GOLM1: variants seen among roughly 807,000 people sequenced by gnomAD.
GOLM1 encodes the protein golgi membrane protein 1.
Under a neutral mutation model 50.5 loss-of-function variants are expected in GOLM1, and 31 were observed. That is an observed-to-expected ratio of 0.61 (90% CI 0.46 to 0.83). The LOEUF (loss-of-function observed/expected upper bound fraction) is 0.83. Among genes scored for constraint, GOLM1 ranks in the 40% least tolerant of loss-of-function variants. GOLM1 has a pLI of 0.00. For missense variants in GOLM1, 491 were observed against 501.3 expected, an observed-to-expected ratio of 0.98 and a Z score of 0.20; for synonymous variants, 178 against 192.8, an observed-to-expected ratio of 0.92 and a Z score of 0.64.
rs779101939 is a variant in GOLM1 at position 86,027,794 on chromosome 9, G to GAAAT, written c.*19_*22dup. On this transcript the variant is annotated 3_prime_UTR_variant, in exon 10 of 10. Transcript: ENST00000388712. ...ATAGTCATCTCTTCGGCCCTGTTGT[G>GAAAT]AAATATGTGATTCCAGTTCAATTCA... 11 of 1,609,904 alleles carry GAAAT rather than the reference G, an allele frequency of 6.8e-6. No individual in the cohort carries two copies. The South Asian group carries it at 1.1e-4, about 16-fold the overall frequency.
At chr9:86,082,686 C>T (rs1340404139) in intron 1 of GOLM1, among the ~76,000 whole-genome samples, 7 of 152,138 alleles carry the variant, frequency 4.6e-5, no homozygotes, top group African/African-American at 1.2e-4. Flanking sequence ...GTGATCCTCC[C>T]GCCTCAGCCT....
At chr9:86,080,495 C>A (rs1834751750) in intron 1 of GOLM1, among the ~76,000 whole-genome samples, 1 of 152,096 alleles carries the variant, frequency 6.6e-6, no homozygotes, top group South Asian at 2.1e-4. Context: ...GCAAAAAAGA[C>A]AAGGGACGGG....
intron 3 of GOLM1, among the ~76,000 whole-genome samples, chr9:86,055,576 G>T (rs1264531733): frequency 1.3e-5 from 2 of 152,122 alleles, no homozygotes; most frequent in Non-Finnish European, 2.9e-5. Flanking sequence ...GCAAAATGTG[G>T]CATACACATA....
At chr9:86,076,454 A>AAAAAAAAAAAAAAAAAAAAAAAAAAAAAG (rs1308426072) in intron 3 of GOLM1, among the ~76,000 whole-genome samples, 1 of 136,662 alleles carries the variant, frequency 7.3e-6, no homozygotes. Context: ...AAAAAAAAAA[A>AAAAAAAAAAAAAAAAAAAAAAAAAAAAAG]GCCAAATTTT....
chr9:86,065,500 C>CA (rs1221538918), intron 3 of GOLM1, among the ~76,000 whole-genome samples: 3 of 152,172 alleles, frequency 2.0e-5, no homozygotes, highest in East Asian at 3.9e-4. Context: ...ATTACATTCG[C>CA]AGGTGCACAA....
intron 9 of GOLM1, among the ~76,000 whole-genome samples, chr9:86,030,260 T>C (rs112591277): frequency 4.0e-4 from 60 of 149,088 alleles, no homozygotes; most frequent in African/African-American, 1.4e-3. Flanking sequence ...AGTAAGACAG[T>C]GACCAGACCG....
intron 5 of GOLM1, among the ~76,000 whole-genome samples, chr9:86,042,787 A>G (rs929016689): frequency 1.3e-5 from 2 of 152,228 alleles, no homozygotes; most frequent in Non-Finnish European, 2.9e-5. Context: ...AAGAGCCTTT[A>G]TCTCACAGCC....
Position 86,094,942 on chromosome 9 carries a change from G to A in GOLM1, c.-22+4469C>T, listed in dbSNP as rs547843752. ...TTACTAAAAATACAAAATTAGCCGG[G>A]CGTGGTGGTGCATGCCTGTAATCCC... On this transcript the variant is annotated intron_variant, in intron 1 of 9. Coordinates refer to ENST00000388712, the MANE Select transcript of GOLM1 (RefSeq NM_016548.4). Among the ~76,000 whole-genome samples, 10 of 152,110 alleles carry A rather than the reference G, an allele frequency of 6.6e-5. No individual in the cohort carries two copies. The South Asian group carries it at 2.1e-3, about 32-fold the overall frequency.
intron 3 of GOLM1, among the ~76,000 whole-genome samples, chr9:86,057,266 AT>A (rs1834021131): frequency 6.6e-6 from 1 of 152,228 alleles, no homozygotes; most frequent in African/African-American, 2.4e-5. Context: ...AATAAGCTCA[AT>A]ATTTCATAAG....
At chr9:86,078,527 G>A (rs1429146114) in intron 2 of GOLM1, among the ~76,000 whole-genome samples, 2 of 152,154 alleles carry the variant, frequency 1.3e-5, no homozygotes, top group Non-Finnish European at 2.9e-5. Context: ...AAGGATCAGG[G>A]GTAGAAGGAT....
intron 1 of GOLM1, among the ~76,000 whole-genome samples, chr9:86,085,463 T>G (rs1317981438): frequency 6.6e-6 from 1 of 151,208 alleles, no homozygotes; most frequent in East Asian, 1.9e-4. Context: ...GTTTTTTTTT[T>G]TTTTTTTGAA....
intron 1 of GOLM1, among the ~76,000 whole-genome samples, chr9:86,086,248 T>A (rs1834957971): frequency 6.6e-6 from 1 of 152,248 alleles, no homozygotes; most frequent in African/African-American, 2.4e-5. Flanking sequence ...GTTCATATGT[T>A]TGTTGGCTGC....
At chr9:86,089,027 G>C (rs1484711139) in intron 1 of GOLM1, among the ~76,000 whole-genome samples, 5 of 152,152 alleles carry the variant, frequency 3.3e-5, no homozygotes, top group African/African-American at 1.2e-4. Context: ...ATGAAGCTTA[G>C]TTTGGCTAGA....
Position 86,027,419 on chromosome 9 carries a change from G to A in GOLM1, c.*398C>T, listed in dbSNP as rs79928821. ...ACTTGGTACAGCACGTGGACAGGAC[G>A]ACGGAACCCAGAGTTCTCTGTCTCT... On this transcript the variant is annotated 3_prime_UTR_variant, in exon 10 of 10. Transcript: ENST00000388712. 4.2e-3 allele frequency: 4,275 copies of A among 1,016,302 alleles called. 145 individuals carry two copies. The African/African-American group carries it at 0.067, about 16-fold the overall frequency. The allele number at this position is 1,016,302 out of a possible 1,614,324, so 63.0% of individuals were successfully genotyped here.
rs35208119 is a variant in GOLM1, at chr9:86,082,025, C to CTTTTTT, written c.-21-2690_-21-2685dup. Among the ~76,000 whole-genome samples, 37 of 84,516 alleles carry CTTTTTT rather than the reference C, an allele frequency of 4.4e-4. 1 individual carries two copies. Among genetic ancestry groups the CTTTTTT allele is most frequent in the Non-Finnish European group, 5.2e-4 (24 of 45,794 alleles). 55.4% of individuals were successfully genotyped at this position (84,516 alleles called of 152,430 possible). ...AGGGGCATCAGCATCACCTGGGACA[C>CTTTTTT]TTTTTTTTTTTTTTTTTTTTTGAGA... On this transcript the variant is annotated intron_variant, in intron 1 of 9. Transcript: ENST00000388712.
At chr9:86,076,421 C>CAAAAAAAAA (rs58193076) in intron 3 of GOLM1, among the ~76,000 whole-genome samples, 10 of 23,334 alleles carry the variant, frequency 4.3e-4, no homozygotes, top group East Asian at 1.1e-3. Flanking sequence ...AACCCCATCT[C>CAAAAAAAAA]AAAAAAAAAA....
chr9:86,035,705 T>TCA lies in GOLM1; in HGVS notation c.758-81_758-80insTG, dbSNP rs1181523544. Reference sequence around the variant, plus strand: ...AAAAAAAAAAAAAAGCAAAACCTGGTGCCACTCAATTCCCAGAGCCTTCCC... The same window carrying TCA: ...AAAAAAAAAAAAAAGCAAAACCTGGTCAGCCACTCAATTCCCAGAGCCTTCCC... On this transcript the variant is annotated intron_variant, in intron 7 of 9. Transcript: ENST00000388712. 5 of 1,247,610 alleles carry TCA rather than the reference T, an allele frequency of 4.0e-6. No homozygotes were observed. The East Asian group carries it at 1.2e-4, about 29-fold the overall frequency. 77.3% of individuals were successfully genotyped at this position (1,247,610 alleles called of 1,614,324 possible). A position where few individuals can be genotyped will look rare whatever the true frequency, so the allele number is the denominator to read the frequency against.
At chr9:86,094,722 G>A (rs1260231303) in intron 1 of GOLM1, among the ~76,000 whole-genome samples, 1 of 152,130 alleles carries the variant, frequency 6.6e-6, no homozygotes, top group African/African-American at 2.4e-5. Flanking sequence ...TTGAGCCCAG[G>A]AATTCGAGAC....
chr9:86,048,560 G>C (rs78027007), intron 4 of GOLM1, among the ~76,000 whole-genome samples: 3,852 of 152,192 alleles, frequency 0.025, 155 homozygotes, highest in African/African-American at 0.088. Flanking sequence ...TTTAATGATC[G>C]TCATTCTAAA....
Sources: gnomAD v4.1 joint callset for allele counts (sites outside exome capture counted in the v4.1 genomes callset) on GRCh38, gnomAD v4.1.1 for gene constraint, MANE v1.5 for transcripts, NCBI Gene and HGNC (gene_info 2026-07-23, HGNC 2026-07-21) for gene names.